The following LPXN variants were observed in gnomAD, a reference collection of about 807,000 sequenced individuals.
LPXN encodes the protein leupaxin.
LPXN carries 28 observed loss-of-function variants against 45.6 expected under a neutral mutation model. The observed-to-expected ratio is 0.61, with a 90% CI of 0.45 to 0.84. The LOEUF (loss-of-function observed/expected upper bound fraction) is 0.84, where lower values mean the gene tolerates loss of function less well. Ranked by LOEUF, LPXN falls within the 40% of genes least tolerant of loss-of-function variation. The pLI is 0.00. For synonymous variants in LPXN, 166 were observed against 169.9 expected, an observed-to-expected ratio of 0.98 and a Z score of 0.18; for missense variants, 459 against 475.0, an observed-to-expected ratio of 0.97 and a Z score of 0.31.
intron 7 of LPXN, among the ~76,000 whole-genome samples, chr11:58,531,350 GAGA>G (rs1328050180): frequency 6.6e-6 from 1 of 151,996 alleles, no homozygotes; most frequent in African/African-American, 2.4e-5. Context: ...AACCAGTTTA[GAGA>G]AGAACATACA....
At chr11:58,575,632 CA>C in intron 1 of LPXN, 127 bp downstream of exon 1, 1 of 1,081,662 alleles carries the variant, frequency 9.2e-7, no homozygotes, top group Non-Finnish European at 1.4e-6. Context: ...GGGCTGAGGA[CA>C]GGAAAGAAGT....
intron 7 of LPXN, among the ~76,000 whole-genome samples, chr11:58,547,589 G>C (rs1258696684): frequency 6.6e-6 from 1 of 152,146 alleles, no homozygotes; most frequent in Non-Finnish European, 1.5e-5. Context: ...GGCAATAAGG[G>C]TGAGGGTGGT....
chr11:58,571,872 T>C (rs1231155353), intron 1 of LPXN, among the ~76,000 whole-genome samples: 1 of 152,212 alleles, frequency 6.6e-6, no homozygotes, highest in African/African-American at 2.4e-5. Flanking sequence ...CTTAAGCGCA[T>C]GAATGCAGAA....
rs367906204 is a variant in LPXN, at chr11:58,543,916, G to C, written c.742+5870C>G. 2.0e-4 allele frequency among the ~76,000 whole-genome samples: 31 copies of C among 152,204 alleles called. No homozygotes were observed. The East Asian group carries it at 3.7e-3, about 18-fold the overall frequency. On this transcript the variant is annotated intron_variant, in intron 7 of 8. Coordinates refer to ENST00000395074, the MANE Select transcript of LPXN (RefSeq NM_004811.3). ...GCCAGATCACAACATGACAATAGAA[G>C]CAGCTAGGTGTTGGGAACCAAACCA...
rs367776125 is a variant in LPXN, at chr11:58,527,266, T to C, written c.*188A>G. ...AAGAGAATTTATAGAATTAACTGTA[T>C]AGAAGCCTAAAAAATAAGATTATCA... On this transcript the variant is annotated 3_prime_UTR_variant, in exon 9 of 9. Transcript: ENST00000395074. 2.8e-4 allele frequency: 169 copies of C among 601,360 alleles called. 1 individual carries two copies. The highest frequency in any genetic ancestry group is 2.3e-3 in the East Asian group (80 of 35,158). 37.3% of individuals were successfully genotyped at this position (601,360 alleles called of 1,614,324 possible).
chr11:58,531,998 C>A (rs1343082426), intron 7 of LPXN, among the ~76,000 whole-genome samples: 10 of 152,208 alleles, frequency 6.6e-5, no homozygotes, highest in African/African-American at 2.4e-4. Flanking sequence ...CGTGGGCCAG[C>A]ACGAGTTTCG....
upstream of LPXN, chr11:58,575,940 C>CTTT (rs753299345): frequency 3.8e-5 from 45 of 1,194,926 alleles, no homozygotes; most frequent in South Asian, 5.1e-4. Context: ...ATTTGGTGAG[C>CTTT]TTTTTTTTTT....
chr11:58,555,047 A>G (rs1293302060), intron 3 of LPXN, 107 bp from the exon 4 acceptor site: 2 of 695,194 alleles, frequency 2.9e-6, no homozygotes, highest in South Asian at 1.8e-5. Context: ...TCCCCTGGAT[A>G]TGAAGCTAAA....
chr11:58,552,716 ACATCC>A (rs1854087377), intron 4 of LPXN, among the ~76,000 whole-genome samples: 1 of 152,232 alleles, frequency 6.6e-6, no homozygotes, highest in Non-Finnish European at 1.5e-5. Context: ...CATCTGACAG[ACATCC>A]TTCCTTCTCT....
At chr11:58,545,182 G>C (rs1383660932) in intron 7 of LPXN, among the ~76,000 whole-genome samples, 2 of 152,126 alleles carry the variant, frequency 1.3e-5, no homozygotes, top group Non-Finnish European at 2.9e-5. Flanking sequence ...GTTGTTTCCT[G>C]TTTATATAAA....
Position 58,564,188 on chromosome 11 carries a change from T to C in LPXN, c.185A>G (p.Tyr62Cys), listed in dbSNP as rs145614062. 5.6e-6 allele frequency: 9 copies of C among 1,605,124 alleles called. No individual in the cohort carries two copies. Among genetic ancestry groups the C allele is most frequent in the Admixed American group, 5.1e-5 (3 of 58,524 alleles). Residue 62 changes from tyrosine to cysteine, a missense_variant, in exon 3 of 9, where the codon TAT becomes TGT. Physicochemically the swap from Tyr to Cys is radical, Grantham distance 194 (BLOSUM62 -2). Transcript: ENST00000395074. ...NTSPLPAQLV[Y>C]TTNIQELNVY... ...ATTGAGCTCCTGGATATTGGTAGTA[T>C]ACACGAGCTGCGCCTAAGATATATA...
intron 1 of LPXN, among the ~76,000 whole-genome samples, chr11:58,574,582 G>A (rs1283486482): frequency 6.6e-6 from 1 of 151,606 alleles, no homozygotes; most frequent in African/African-American, 2.4e-5. Context: ...CCAAAAAAAA[G>A]AAAGAGAAAA....
rs1182442399 is a variant in LPXN, at chr11:58,528,210, G to C, written c.743-19C>G. 6.2e-7 allele frequency: 1 copy of C among 1,610,694 alleles called. No individual in the cohort carries two copies. Among genetic ancestry groups the C allele is most frequent in the Non-Finnish European group, 8.5e-7 (1 of 1,177,408 alleles). ...TGAAAGCCTGGAGAGATAAAATCAG[G>C]AATTCACTGTTGCAGGTTGAGCCCT... On this transcript the variant is annotated intron_variant, in intron 7 of 8. Coordinates refer to ENST00000395074, the MANE Select transcript of LPXN (RefSeq NM_004811.3).
intron 5 of LPXN, among the ~76,000 whole-genome samples, 175 bp downstream of exon 5, chr11:58,550,890 C>T (rs185676108): frequency 3.4e-4 from 52 of 152,232 alleles, no homozygotes; most frequent in Middle Eastern, 3.4e-3. Flanking sequence ...GCTGATGTGA[C>T]CATTAAATGA....
chr11:58,561,198 TTAATA>T (rs765258653), intron 3 of LPXN, among the ~76,000 whole-genome samples: 4 of 152,324 alleles, frequency 2.6e-5, no homozygotes, highest in African/African-American at 9.6e-5. Context: ...TGTCTTTCAC[TTAATA>T]TATTTTCAAA....
At chr11:58,578,397 T>A (rs1854978965), upstream of LPXN, among the ~76,000 whole-genome samples, 1 of 152,066 alleles carries the variant, frequency 6.6e-6, no homozygotes, top group South Asian at 2.1e-4. Flanking sequence ...AGACTTCATC[T>A]CCCAGAATGC....
At chr11:58,527,892 G>C in intron 8 of LPXN, 151 bp downstream of exon 8, 1 of 1,128,506 alleles carries the variant, frequency 8.9e-7, no homozygotes, top group East Asian at 2.4e-5. Context: ...AAACAGACAA[G>C]CAAATGGATC....
intron 7 of LPXN, among the ~76,000 whole-genome samples, chr11:58,530,745 G>A (rs1853364083): frequency 6.6e-6 from 1 of 152,164 alleles, no homozygotes; most frequent in Non-Finnish European, 1.5e-5. Context: ...TGGCCCCCGT[G>A]TCTCCTGATT....
In LPXN at chr11:58,528,055, G is replaced by A. The variant is rs1853279423; in HGVS notation, c.879C>T (p.Cys293=). ...TGATTATACAGACCCCACAAACAAA[G>A]CACTCTGGGTGCCAGACAGTGTCCA... is the stretch of plus-strand genomic sequence containing the variant. The part of the protein sequence containing the change: ...SAMDTVWHPE[C]FVCGDCFTSF... The change falls in exon 8 of 9, where the codon TGC becomes TGT. Residue 293 remains cysteine (C), a synonymous_variant. Transcript: ENST00000395074. 1 of 1,614,038 alleles carries A rather than the reference G, an allele frequency of 6.2e-7. No individual in the cohort carries two copies. Among genetic ancestry groups the A allele is most frequent in the African/African-American group, 1.3e-5 (1 of 75,040 alleles).
Sources: gnomAD v4.1 joint callset for allele counts (sites outside exome capture counted in the v4.1 genomes callset) on GRCh38, gnomAD v4.1.1 for gene constraint, MANE v1.5 for transcripts, NCBI Gene and HGNC (gene_info 2026-07-23, HGNC 2026-07-21) for gene names.